Variants in PDE7A observed in about 807,000 individuals in gnomAD.
PDE7A encodes the protein phosphodiesterase 7A.
PDE7A carries 39 observed loss-of-function variants against 64.3 expected under a neutral mutation model. That is an observed-to-expected ratio of 0.61 (90% CI 0.47 to 0.79). The LOEUF (loss-of-function observed/expected upper bound fraction) is 0.79. Among genes scored for constraint, PDE7A ranks in the 30% least tolerant of loss-of-function variants. The probability of loss-of-function intolerance (pLI) is 0.00; values close to 1 mark genes in which losing one functional copy is unlikely to be tolerated. For synonymous variants in PDE7A, 203 were observed against 206.8 expected (o/e 0.98, Z 0.16); for missense variants, 470 against 582.8 (o/e 0.81, Z 1.99).
intron 7 of PDE7A, among the ~76,000 whole-genome samples, chr8:65,730,017 G>T (rs1284231737): frequency 6.6e-6 from 1 of 151,886 alleles, no homozygotes; most frequent in Non-Finnish European, 1.5e-5. Flanking sequence ...TCCATGGCCT[G>T]TTAGGAACCT....
intron 1 of PDE7A, among the ~76,000 whole-genome samples, chr8:65,833,112 C>T (rs1275398990): frequency 6.6e-6 from 1 of 152,200 alleles, no homozygotes; most frequent in Admixed American, 6.5e-5. Context: ...AAATCTATAA[C>T]ATATTAACCC....
rs1312038344 is a variant in PDE7A, at chr8:65,736,833, A to C, written c.596-1939T>G. 1.1e-4 allele frequency among the ~76,000 whole-genome samples: 17 copies of C among 149,284 alleles called. No homozygotes were observed. In the East Asian group the frequency reaches 3.4e-3, roughly 30 times the overall value. ...GCCAGAGTTCTAAGTAGAAGTCTGA[A>C]GTCTGAGTTAATATTTCTAGCTCTT... On this transcript the variant is annotated intron_variant, in intron 6 of 12. Transcript: ENST00000401827.
intron 10 of PDE7A, 107 bp from the exon 11 acceptor site, chr8:65,724,458 C>A: frequency 1.5e-6 from 1 of 660,406 alleles, no homozygotes; most frequent in South Asian, 2.4e-5. Context: ...AATAAATAAG[C>A]CAGAAATATA....
intron 1 of PDE7A, among the ~76,000 whole-genome samples, chr8:65,798,218 T>TTGAGATGGAGTCTCGCTC (rs1809903831): frequency 7.5e-6 from 1 of 133,828 alleles, no homozygotes; most frequent in Non-Finnish European, 1.5e-5. Flanking sequence ...TTTTTTTTTT[T>TTGAGATGGAGTCTCGCTC]TGAGATGGAG....
intron 5 of PDE7A, among the ~76,000 whole-genome samples, chr8:65,743,246 T>C (rs1219924904): frequency 6.6e-6 from 1 of 152,166 alleles, no homozygotes; most frequent in Non-Finnish European, 1.5e-5. Context: ...GGAATTTCCC[T>C]GAGCAAGAAG....
Position 65,747,782 on chromosome 8 carries a change from G to C in PDE7A, c.305C>G (p.Ser102Cys). The change falls in exon 4 of 13, where the codon TCT (serine) becomes TGT (cysteine). Residue 102 changes from serine (S) to cysteine (C), a missense_variant. Transcript: ENST00000401827. ...IFHSQSEIEVSVSARNIRRLL... is the reference protein window; with the variant it reads ...IFHSQSEIEVCVSARNIRRLL... ...CCTTCTGATATTCCTTGCAGAGACA[G>C]ACACTTCAATTTCAGATTGAGCTGA... The C allele has an allele frequency of 6.2e-7, 1 of 1,607,218 alleles. No homozygotes were observed. The highest frequency in any genetic ancestry group is 8.5e-7 in the Non-Finnish European group (1 of 1,175,812).
At chr8:65,822,865 T>A (rs1205259004) in intron 1 of PDE7A, among the ~76,000 whole-genome samples, 4 of 152,170 alleles carry the variant, frequency 2.6e-5, no homozygotes, top group Admixed American at 1.3e-4. Flanking sequence ...GTGGAAATAA[T>A]GCATAGTAAT....
At chr8:65,797,712 T>G (rs909533132) in intron 1 of PDE7A, among the ~76,000 whole-genome samples, 1 of 152,152 alleles carries the variant, frequency 6.6e-6, no homozygotes, top group Non-Finnish European at 1.5e-5. Context: ...TTTTAGAAAT[T>G]TGATGCCCAA....
At chr8:65,774,639 T>C (rs189420524) in intron 3 of PDE7A, among the ~76,000 whole-genome samples, 66 of 151,620 alleles carry the variant, frequency 4.4e-4, no homozygotes, top group African/African-American at 1.6e-3. Flanking sequence ...AATATTTAAA[T>C]ATTTAGTTAA....
At position 65,715,064 on chromosome 8, in the gene PDE7A, A is replaced by G. The variant is rs1806077424; in HGVS notation, c.*4226T>C. ...GACTCCCTCAGCCCCTGAAATGTTG[A>G]GCCAAGAGGCCCAAAGGGTGGCCAT... is the stretch of plus-strand genomic sequence containing the variant. On this transcript the variant is annotated 3_prime_UTR_variant, in exon 13 of 13. Coordinates refer to ENST00000401827, the MANE Select transcript of PDE7A (RefSeq NM_001242318.3). 6.6e-6 allele frequency among the ~76,000 whole-genome samples: 1 copy of G among 152,162 alleles called. No homozygotes were observed. The highest frequency in any genetic ancestry group is 2.4e-5 in the African/African-American group (1 of 41,428).
chr8:65,755,730 T>C (rs768487960), intron 3 of PDE7A, among the ~76,000 whole-genome samples: 4 of 152,258 alleles, frequency 2.6e-5, no homozygotes, highest in Admixed American at 1.3e-4. Context: ...TTTCCTCTTA[T>C]GGCTTTAGGT....
At position 65,800,924 on chromosome 8, in the gene PDE7A, T is replaced by C. The variant is rs567855293; in HGVS notation, c.139-18081A>G. Among the ~76,000 whole-genome samples, 202 of 152,300 alleles carry C rather than the reference T, an allele frequency of 1.3e-3. 1 individual carries two copies. Among genetic ancestry groups the C allele is most frequent in the African/African-American group, 4.6e-3 (190 of 41,560 alleles). ...GCCTTCAGAAGATGAAAGCAAGCTATTGCAGCTAACATCAAAAATTCTTTC... is the reference window on the plus strand; with the variant it reads ...GCCTTCAGAAGATGAAAGCAAGCTACTGCAGCTAACATCAAAAATTCTTTC... On this transcript the variant is annotated intron_variant, in intron 1 of 12. Coordinates refer to ENST00000401827, the MANE Select transcript of PDE7A (RefSeq NM_001242318.3).
At chr8:65,820,853 G>A (rs1220627829) in intron 1 of PDE7A, among the ~76,000 whole-genome samples, 1 of 152,184 alleles carries the variant, frequency 6.6e-6, no homozygotes, top group Non-Finnish European at 1.5e-5. Flanking sequence ...GCCTCCCAAA[G>A]TGCTGGGATT....
intron 3 of PDE7A, among the ~76,000 whole-genome samples, chr8:65,779,363 C>G (rs1046755424): frequency 4.6e-5 from 7 of 152,064 alleles, no homozygotes; most frequent in Non-Finnish European, 7.4e-5. Flanking sequence ...AGTTAAACTA[C>G]TGAAATACCT....
At chr8:65,788,890 T>TG in intron 1 of PDE7A, 1 of 1,607,212 alleles carries the variant, frequency 6.2e-7, no homozygotes. Flanking sequence ...ACCTTAGAGG[T>TG]GATCCACTTG....
chr8:65,789,691 A>G (rs1393896736), intron 1 of PDE7A, among the ~76,000 whole-genome samples: 1 of 152,246 alleles, frequency 6.6e-6, no homozygotes, highest in Non-Finnish European at 1.5e-5. Flanking sequence ...TGAGCTTTCT[A>G]ATAACAAAGT....
chr8:65,812,492 G>A (rs1810280242), intron 1 of PDE7A, among the ~76,000 whole-genome samples: 2 of 151,996 alleles, frequency 1.3e-5, no homozygotes, highest in Non-Finnish European at 2.9e-5. Flanking sequence ...ACACAACAAT[G>A]GAAGTATTAT....
At chr8:65,743,578 G>A (rs1223408802) in intron 5 of PDE7A, among the ~76,000 whole-genome samples, 1 of 152,128 alleles carries the variant, frequency 6.6e-6, no homozygotes, top group Non-Finnish European at 1.5e-5. Flanking sequence ...ATAGACAAAG[G>A]TATTTCCACT....
intron 1 of PDE7A, chr8:65,788,930 T>C (rs1197353622): frequency 6.2e-7 from 1 of 1,613,086 alleles, no homozygotes; most frequent in Non-Finnish European, 8.5e-7. Context: ...ACCAGATCAA[T>C]GTAATTCCCA....
Sources: gnomAD v4.1 joint callset for allele counts (sites outside exome capture counted in the v4.1 genomes callset) on GRCh38, gnomAD v4.1.1 for gene constraint, MANE v1.5 for transcripts, NCBI Gene and HGNC (gene_info 2026-07-23, HGNC 2026-07-21) for gene names.